Variants in LAMA2 observed in about 807,000 individuals in gnomAD.
LAMA2 encodes laminin subunit alpha 2.
Under a neutral mutation model 364.8 loss-of-function variants are expected in LAMA2, and 269 were observed. That is an observed-to-expected ratio of 0.74 (90% confidence interval 0.67 to 0.82). The LOEUF is 0.82. LAMA2 is among the 40% of genes least tolerant of loss of function. The pLI is 0.00. For synonymous variants in LAMA2, 1,379 were observed against 1,370.6 expected (o/e 1.01, Z -0.14); for missense variants, 3,807 against 3,873.2 (o/e 0.98, Z 0.45).
chr6:129,078,134 T>A (rs1773780087), intron 3 of LAMA2, among the ~76,000 whole-genome samples: 1 of 612 alleles, frequency 1.6e-3, no homozygotes, highest in African/African-American at 2.6e-3. Context: ...ATCTCTGTAT[T>A]TTTTTTTTTT....
chr6:129,182,216 A>G (rs1230921510), intron 10 of LAMA2, among the ~76,000 whole-genome samples: 3 of 151,864 alleles, frequency 2.0e-5, no homozygotes, highest in Admixed American at 2.0e-4. Context: ...AAAATTCTAA[A>G]TGAGGAGACA....
chr6:128,991,752 AAACT>A (rs1783626658), intron 1 of LAMA2, among the ~76,000 whole-genome samples: 1 of 152,174 alleles, frequency 6.6e-6, no homozygotes, highest in Non-Finnish European at 1.5e-5. Flanking sequence ...ATATCTAGGC[AAACT>A]AACCATTCAA....
At chr6:128,906,718 T>C (rs1261759978) in intron 1 of LAMA2, among the ~76,000 whole-genome samples, 1 of 152,124 alleles carries the variant, frequency 6.6e-6, no homozygotes, top group African/African-American at 2.4e-5. Context: ...CCCATGCCTA[T>C]GTCCTGAATG....
At chr6:129,430,439 C>T (rs1335323195) in intron 41 of LAMA2, among the ~76,000 whole-genome samples, 6 of 152,124 alleles carry the variant, frequency 3.9e-5, no homozygotes, top group African/African-American at 1.2e-4. Flanking sequence ...CTGAACTTGC[C>T]GGGAGCAATT....
At chr6:129,396,006 A>G (rs1779596671) in intron 37 of LAMA2, among the ~76,000 whole-genome samples, 1 of 152,224 alleles carries the variant, frequency 6.6e-6, no homozygotes, top group South Asian at 2.1e-4. Context: ...AGACTAAGCT[A>G]AGGAATTGGT....
intron 58 of LAMA2, 139 bp from the exon 59 acceptor site, chr6:129,502,520 C>T (rs1785725753): frequency 3.0e-6 from 2 of 672,162 alleles, no homozygotes; most frequent in Admixed American, 2.2e-5. Context: ...ACTTACTATG[C>T]AGTAGACTAC....
intron 64 of LAMA2, 131 bp downstream of exon 64, chr6:129,514,726 G>A (rs1276130118): frequency 1.2e-5 from 9 of 780,884 alleles, no homozygotes; most frequent in Non-Finnish European, 2.0e-5. Flanking sequence ...AATCTGCTTA[G>A]AATCTGCACC....
chr6:129,481,212 T>C (rs764786676), intron 54 of LAMA2, 51 bp from the exon 55 acceptor site: 21 of 1,472,188 alleles, frequency 1.4e-5, no homozygotes, highest in Middle Eastern at 1.7e-4. Context: ...GGAGAACTTA[T>C]TTAAATTTTC....
intron 40 of LAMA2, among the ~76,000 whole-genome samples, chr6:129,425,503 A>G (rs1441358264): frequency 6.6e-6 from 1 of 151,532 alleles, no homozygotes; most frequent in East Asian, 1.9e-4. Flanking sequence ...CTTGTCATGG[A>G]GGTTTGTTGT....
chr6:128,938,273 G>A lies in LAMA2; in HGVS notation c.112+54916G>A, dbSNP rs571188993. On this transcript the variant is annotated intron_variant, in intron 1 of 64. Transcript: ENST00000421865. Reference sequence around the variant, plus strand: ...ATCTACCTCCCTGACTGATTGTGAAGATGAAATGAAATAGTCAGTAGAAAG... The same window carrying A: ...ATCTACCTCCCTGACTGATTGTGAAAATGAAATGAAATAGTCAGTAGAAAG... Among the ~76,000 whole-genome samples the A allele has an allele frequency of 8.8e-4, 134 of 152,234 alleles. 1 individual carries two copies. Among genetic ancestry groups the A allele is most frequent in the Non-Finnish European group, 3.4e-4 (23 of 67,994 alleles).
At chr6:128,938,819 T>C (rs1779990435) in intron 1 of LAMA2, among the ~76,000 whole-genome samples, 1 of 152,150 alleles carries the variant, frequency 6.6e-6, no homozygotes, top group African/African-American at 2.4e-5. Context: ...AATTCTATCA[T>C]CTTGACTCCC....
chr6:129,252,306 G>T lies in LAMA2; in HGVS notation c.2096+11G>T. The T allele has an allele frequency of 6.3e-7, 1 of 1,596,786 alleles. No homozygotes were observed. The highest frequency in any genetic ancestry group is 8.6e-7 in the Non-Finnish European group (1 of 1,165,402). ...GGATGCCATCTTCAGGTAAAATCAA[G>T]AACTGCAGCTCCAACGTTCACACAT... is the stretch of plus-strand genomic sequence containing the variant. On this transcript the variant is annotated intron_variant, in intron 14 of 64. Transcript: ENST00000421865.
intron 15 of LAMA2, among the ~76,000 whole-genome samples, chr6:129,265,543 T>C (rs952899584): frequency 6.6e-6 from 1 of 152,084 alleles, no homozygotes; most frequent in Non-Finnish European, 1.5e-5. Flanking sequence ...ATCACTTCTA[T>C]AATGAATCTA....
chr6:129,180,451 A>G (rs1156909963), intron 10 of LAMA2, among the ~76,000 whole-genome samples: 2 of 152,076 alleles, frequency 1.3e-5, no homozygotes, highest in Non-Finnish European at 2.9e-5. Context: ...ACTATAACAT[A>G]TGAGTTTTTA....
intron 37 of LAMA2, among the ~76,000 whole-genome samples, chr6:129,398,754 A>T (rs1178517701): frequency 6.6e-6 from 1 of 152,086 alleles, no homozygotes; most frequent in African/African-American, 2.4e-5. Context: ...GATAACAGGC[A>T]TGAGCCACCG....
chr6:129,390,179 T>A (rs1404232392), intron 35 of LAMA2, among the ~76,000 whole-genome samples: 1 of 150,714 alleles, frequency 6.6e-6, no homozygotes, highest in Non-Finnish European at 1.5e-5. Flanking sequence ...AGCTCTAGGG[T>A]ACATCAGAAG....
intron 40 of LAMA2, among the ~76,000 whole-genome samples, chr6:129,411,716 C>T (rs934192200): frequency 4.0e-5 from 6 of 150,182 alleles, no homozygotes; most frequent in African/African-American, 1.5e-4. Context: ...TACAAATACG[C>T]TTCATTTGCT....
chr6:129,314,901 G>A, intron 24 of LAMA2, 103 bp downstream of exon 24: 1 of 1,196,986 alleles, frequency 8.4e-7, no homozygotes, highest in South Asian at 1.2e-5. Context: ...AAACATTTAA[G>A]TAACCTTTTC....
intron 4 of LAMA2, among the ~76,000 whole-genome samples, chr6:129,099,339 G>A (rs1279226347): frequency 6.6e-6 from 1 of 151,608 alleles, no homozygotes; most frequent in African/African-American, 2.4e-5. Flanking sequence ...TTGTTTTGTT[G>A]CCATTAAGGA....
Sources: gnomAD v4.1 joint callset for allele counts (sites outside exome capture counted in the v4.1 genomes callset) on GRCh38, gnomAD v4.1.1 for gene constraint, MANE v1.5 for transcripts, NCBI Gene and HGNC (gene_info 2026-07-23, HGNC 2026-07-21) for gene names.